The following L1TD1 variants were observed in gnomAD, a reference collection of about 807,000 sequenced individuals.
The protein encoded by L1TD1 is LINE-1 type transposase domain-containing protein 1.
In L1TD1, 26 loss-of-function variants were observed where a neutral mutation model predicts 25.7. The ratio of observed to expected loss-of-function variants is 1.01; its 90% CI spans 0.74 to 1.40. L1TD1 has a LOEUF of 1.40. L1TD1 is among the 40% of genes most tolerant of loss of function. The probability of loss-of-function intolerance (pLI) is 0.00; values close to 1 mark genes in which losing one functional copy is unlikely to be tolerated. For synonymous variants in L1TD1, 421 were observed against 335.6 expected (o/e 1.25, Z -2.78); for missense variants, 1,130 against 975.0 (o/e 1.16, Z -2.12).
chr1:62,197,432 T>TATATATATATATAC (rs1670565979), intron 2 of L1TD1, among the ~76,000 whole-genome samples: 1 of 137,340 alleles, frequency 7.3e-6, no homozygotes, highest in Non-Finnish European at 1.6e-5. Context: ...TATATATATA[T>TATATATATATATAC]AGTTTAGTCC....
chr1:62,198,295 C>T (rs913398334), intron 2 of L1TD1, among the ~76,000 whole-genome samples: 1 of 151,830 alleles, frequency 6.6e-6, no homozygotes, highest in Non-Finnish European at 1.5e-5. Flanking sequence ...CACACCACTG[C>T]TTGCCACGCT....
At position 62,206,852 on chromosome 1, in the gene L1TD1, A is replaced by C; in HGVS notation, c.224A>C (p.Asn75Thr). 1.9e-6 allele frequency: 3 copies of C among 1,612,722 alleles called. No homozygotes were observed. Among genetic ancestry groups the C allele is most frequent in the Non-Finnish European group, 1.7e-6 (2 of 1,179,448 alleles). Residue 75 changes from asparagine to threonine, a missense_variant, in exon 3 of 4, where the codon AAT becomes ACT. By Grantham distance (65) the Asn-to-Thr change is moderately conservative. Coordinates refer to ENST00000498273, the MANE Select transcript of L1TD1 (RefSeq NM_019079.5). The stretch of plus-strand genomic sequence containing the variant: ...GAGGAGATGAGGGAAACTCTTAAAA[A>C]TGACCTAAAAGCAGTTTTAGGGGGA... ...MFEEMRETLK[N>T]DLKAVLGGKA...
intron 2 of L1TD1, among the ~76,000 whole-genome samples, chr1:62,204,718 G>A (rs1670703006): frequency 6.6e-6 from 1 of 152,046 alleles, no homozygotes; most frequent in South Asian, 2.1e-4. Context: ...TCTTGGTTGG[G>A]TGCTGAGCAT....
intron 2 of L1TD1, among the ~76,000 whole-genome samples, chr1:62,204,465 A>T (rs1168948605): frequency 2.6e-5 from 4 of 152,202 alleles, no homozygotes; most frequent in African/African-American, 9.6e-5. Flanking sequence ...AAATAACTTT[A>T]ACCTTTAGTA....
intron 2 of L1TD1, among the ~76,000 whole-genome samples, chr1:62,196,816 T>C (rs1049713122): frequency 1.3e-5 from 2 of 152,034 alleles, no homozygotes; most frequent in Non-Finnish European, 2.9e-5. Context: ...GGTCTCGAGC[T>C]CCTGACCTCA....
chr1:62,203,085 G>A (rs1234412952), intron 2 of L1TD1, among the ~76,000 whole-genome samples: 2 of 152,016 alleles, frequency 1.3e-5, no homozygotes, highest in African/African-American at 2.4e-5. Context: ...CTCGGCCACC[G>A]AAAGTGCTGG....
intron 2 of L1TD1, among the ~76,000 whole-genome samples, chr1:62,199,602 C>T (rs1670605243): frequency 1.3e-5 from 2 of 152,042 alleles, no homozygotes; most frequent in Admixed American, 1.3e-4. Context: ...GTGGTGCGTG[C>T]TTGTATTCCC....
At chr1:62,209,703 T>C in intron 3 of L1TD1, 80 bp from the exon 4 acceptor site, 2 of 1,161,234 alleles carry the variant, frequency 1.7e-6, no homozygotes, top group Non-Finnish European at 2.4e-6. Flanking sequence ...TTAAAATTAG[T>C]GAAATTGAAA....
intron 2 of L1TD1, among the ~76,000 whole-genome samples, chr1:62,204,227 C>G (rs1309420679): frequency 6.6e-6 from 1 of 151,978 alleles, no homozygotes; most frequent in Non-Finnish European, 1.5e-5. Context: ...TTTTTCATTT[C>G]TTTGATTTGC....
intron 2 of L1TD1, among the ~76,000 whole-genome samples, chr1:62,197,336 G>A (rs1030444018): frequency 2.7e-5 from 4 of 149,136 alleles, no homozygotes; most frequent in African/African-American, 7.4e-5. Context: ...GCAGTGAGCC[G>A]AGATCCTGCC....
At chr1:62,197,449 T>C (rs1159248651) in intron 2 of L1TD1, among the ~76,000 whole-genome samples, 1 of 141,938 alleles carries the variant, frequency 7.0e-6, no homozygotes, top group African/African-American at 2.6e-5. Context: ...GTCCTGCTAC[T>C]CAATCTTGTT....
At chr1:62,200,302 G>A (rs1197196631) in intron 2 of L1TD1, among the ~76,000 whole-genome samples, 1 of 151,958 alleles carries the variant, frequency 6.6e-6, no homozygotes, top group Non-Finnish European at 1.5e-5. Flanking sequence ...TCAACCTCCC[G>A]AGTAGCTGGT....
In L1TD1 at chr1:62,210,022, A is replaced by G. The variant is rs541871254; in HGVS notation, c.1248A>G (p.Glu416=). Residue 416 remains glutamate (E), a synonymous_variant, in exon 4 of 4, where the codon GAA becomes GAG. Transcript: ENST00000498273. ...AAGAGCCCTCAGGGCTGGAGGAGGA[A>G]GAAGAAGAAGAGGCTTCAGGGTTGG... The part of the protein sequence containing the change: ...EEEEPSGLEE[E]EEEEASGLEE... The G allele has an allele frequency of 9.4e-5, 150 of 1,597,230 alleles. 1 individual carries two copies. The highest frequency in any genetic ancestry group is 3.3e-4 in the Middle Eastern group (2 of 5,990).
chr1:62,199,782 AGGGCACTG>A lies in L1TD1; in HGVS notation c.-111+3256_-111+3263del, dbSNP rs1670608070. 4.6e-5 allele frequency among the ~76,000 whole-genome samples: 7 copies of A among 152,330 alleles called. No homozygotes were observed. The South Asian group carries it at 1.4e-3, about 32-fold the overall frequency. Reference sequence around the variant, plus strand: ...CCCAAAAAAGGTAGTGTTAGATAATAGGGCACTGGCCAGATTAATTACTGAAAAGGTCA... The same window carrying A: ...CCCAAAAAAGGTAGTGTTAGATAATAGCCAGATTAATTACTGAAAAGGTCA... On this transcript the variant is annotated intron_variant, in intron 2 of 3. Transcript: ENST00000498273.
At chr1:62,208,497 T>TTTTTTA (rs1670795482) in intron 3 of L1TD1, 1 of 140,422 alleles carries the variant, frequency 7.1e-6, no homozygotes, top group Non-Finnish European at 1.6e-5. Context: ...TTTTTTTTTT[T>TTTTTTA]GAGATAAAGT....
At chr1:62,197,330 T>G (rs997504018) in intron 2 of L1TD1, among the ~76,000 whole-genome samples, 2 of 148,636 alleles carry the variant, frequency 1.3e-5, no homozygotes, top group South Asian at 4.3e-4. Flanking sequence ...GAGGTTGCAG[T>G]GAGCCGAGAT....
intron 2 of L1TD1, among the ~76,000 whole-genome samples, chr1:62,197,207 G>A (rs912455402): frequency 6.6e-6 from 1 of 151,342 alleles, no homozygotes; most frequent in African/African-American, 2.4e-5. Flanking sequence ...CCAACATGGC[G>A]AAACCCCATC....
chr1:62,200,450 C>T (rs927071812), intron 2 of L1TD1, among the ~76,000 whole-genome samples: 4 of 152,044 alleles, frequency 2.6e-5, no homozygotes, highest in African/African-American at 7.2e-5. Flanking sequence ...GAATTACAGG[C>T]GTGAGCCACT....
At chr1:62,203,399 C>T (rs1394832383) in intron 2 of L1TD1, among the ~76,000 whole-genome samples, 1 of 152,120 alleles carries the variant, frequency 6.6e-6, no homozygotes, top group Non-Finnish European at 1.5e-5. Flanking sequence ...TACTACCCTT[C>T]CCAGGCTCTG....
Sources: allele counts gnomAD v4.1 joint callset (sites outside exome capture counted in the v4.1 genomes callset), GRCh38; gene constraint gnomAD v4.1.1; transcripts MANE v1.5; gene names NCBI Gene and HGNC (gene_info 2026-07-23, HGNC 2026-07-21).